The following TMCO4 variants were observed in gnomAD, a reference collection of about 807,000 sequenced individuals.
TMCO4 encodes transmembrane and coiled-coil domain-containing protein 4.
Under a neutral mutation model 64.7 loss-of-function variants are expected in TMCO4, and 58 were observed. That is an observed-to-expected ratio of 0.90 (90% CI 0.73 to 1.12). The LOEUF (loss-of-function observed/expected upper bound fraction) is 1.12, where lower values mean the gene tolerates loss of function less well. TMCO4 is among the 50% of genes most tolerant of loss of function. The probability of loss-of-function intolerance (pLI) is 0.00; values close to 1 mark genes in which losing one functional copy is unlikely to be tolerated. For synonymous variants in TMCO4, 325 were observed against 346.1 expected (o/e 0.94, Z 0.68); for missense variants, 780 against 825.9 (o/e 0.94, Z 0.68).
Position 19,737,442 on chromosome 1 carries a change from G to A in TMCO4, c.1194C>T (p.Val398=). ...LLSRQQGRRP[V]TLIGFSLGAR... is the part of the protein sequence containing the mutation. ...CTCCCAGGCTGAAGCCAATCAAGGT[G>A]ACAGGTCGTCGCCCCTGAAGGGAAA... The change falls in exon 13 of 16, where the codon GTC becomes GTT. Residue 398 remains valine, a synonymous_variant. Coordinates refer to ENST00000294543, the MANE Select transcript of TMCO4 (RefSeq NM_181719.7). 1.2e-6 allele frequency: 2 copies of A among 1,614,024 alleles called. No individual in the cohort carries two copies. The highest frequency in any genetic ancestry group is 2.2e-5 in the South Asian group (2 of 91,074).
chr1:19,692,846 T>C (rs546422878), intron 15 of TMCO4, among the ~76,000 whole-genome samples: 1 of 152,096 alleles, frequency 6.6e-6, no homozygotes, highest in Admixed American at 6.5e-5. Context: ...GGATAGCATG[T>C]GGCAGGTGAA....
In TMCO4 at chr1:19,694,469, C is replaced by A. The variant is rs2095221438; in HGVS notation, c.1465G>T (p.Asp489Tyr). Residue 489 changes from aspartate to tyrosine, a missense_variant, in exon 15 of 16, where the codon GAC (aspartate) becomes TAC (tyrosine). Asp to Tyr is a radical substitution (Grantham distance 160). Transcript: ENST00000294543. The stretch of plus-strand genomic sequence containing the variant: ...AGGTCCACGTTCTCCACCCTCCTGT[C>A]CTGCAGCAGCACGGGCTGTAGGCCG... ...VAGLQPVLLQ[D>Y]RRVENVDLTS... The A allele has an allele frequency of 6.2e-7, 1 of 1,614,042 alleles. No individual in the cohort carries two copies. The highest frequency in any genetic ancestry group is 8.5e-7 in the Non-Finnish European group (1 of 1,180,000).
Position 19,683,425 on chromosome 1 carries a change from T to C in TMCO4, c.1520A>G (p.Tyr507Cys). ...LTSVVSGHLD[Y>C]AKQMDAILKA... is the part of the protein sequence containing the mutation. ...CAGGATGGCATCCATCTGCTTGGCA[T>C]AGTCCAGGTGGCCGCTGACCTGCAG... is the stretch of plus-strand genomic sequence containing the variant. Residue 507 changes from tyrosine to cysteine, a missense_variant, in exon 16 of 16, where the codon TAT becomes TGT. By Grantham distance (194) the Tyr-to-Cys change is radical (BLOSUM62 -2). Coordinates refer to ENST00000294543, the MANE Select transcript of TMCO4 (RefSeq NM_181719.7). 1 of 1,613,042 alleles carries C rather than the reference T, an allele frequency of 6.2e-7. No homozygotes were observed. Among genetic ancestry groups the C allele is most frequent in the Non-Finnish European group, 8.5e-7 (1 of 1,180,016 alleles).
chr1:19,795,080 G>A (rs1332159644), intron 2 of TMCO4, among the ~76,000 whole-genome samples: 2 of 152,044 alleles, frequency 1.3e-5, no homozygotes, highest in Non-Finnish European at 2.9e-5. Context: ...GTTGCACAAC[G>A]ATGTGAATAT....
At chr1:19,741,191 C>T (rs2095477615) in intron 10 of TMCO4, among the ~76,000 whole-genome samples, 1 of 152,222 alleles carries the variant, frequency 6.6e-6, no homozygotes, top group South Asian at 2.1e-4. Context: ...ACATCACTAT[C>T]CCACCTTGTG....
At chr1:19,748,110 G>A (rs2041868290) in intron 7 of TMCO4, among the ~76,000 whole-genome samples, 5 of 152,176 alleles carry the variant, frequency 3.3e-5, no homozygotes, top group Admixed American at 3.3e-4. Flanking sequence ...TATGGTTATT[G>A]TACCCATATT....
At chr1:19,781,717 G>T (rs964750627) in intron 3 of TMCO4, among the ~76,000 whole-genome samples, 1 of 151,312 alleles carries the variant, frequency 6.6e-6, no homozygotes, top group Non-Finnish European at 1.5e-5. Flanking sequence ...CACGATCTTG[G>T]CTCACTGCAA....
At position 19,780,788 on chromosome 1, in the gene TMCO4, G is replaced by A. The variant is rs771923664; in HGVS notation, c.-8-22C>T. The A allele has an allele frequency of 5.9e-6, 9 of 1,536,420 alleles. No individual in the cohort carries two copies. In the African/African-American group the frequency reaches 1.1e-4, roughly 19 times the overall value. ...AGCGCTGCAGGAGAAAATTCCCAGTGAGAAATGCTTCCAGAGGTAAGCCAA... is the reference window on the plus strand; with the variant it reads ...AGCGCTGCAGGAGAAAATTCCCAGTAAGAAATGCTTCCAGAGGTAAGCCAA... On this transcript the variant is annotated intron_variant, in intron 3 of 15. Transcript: ENST00000294543.
chr1:19,788,873 A>C (rs1319567991), intron 2 of TMCO4, among the ~76,000 whole-genome samples: 6 of 152,006 alleles, frequency 3.9e-5, no homozygotes, highest in Non-Finnish European at 8.8e-5. Context: ...CAGGAGATCA[A>C]GACCATCCTG....
intron 5 of TMCO4, 86 bp downstream of exon 5, chr1:19,771,222 C>T (rs2042965601): frequency 1.4e-6 from 2 of 1,462,474 alleles, no homozygotes; most frequent in Non-Finnish European, 1.9e-6. Flanking sequence ...TGCTCCACCC[C>T]ACTAGAAGTG....
chr1:19,683,133 C>T lies in TMCO4; in HGVS notation c.1812G>A (p.Arg604=), dbSNP rs768819591. Residue 604 remains arginine, a synonymous_variant, in exon 16 of 16, where the codon AGG becomes AGA. Transcript: ENST00000294543. ...ASLPAAASPE[R]PPICSHGMDP... ...CCATGCCATGGCTGCAGATGGGGGG[C>T]CTTTCAGGGCTGGCAGCAGCAGGAA... 1 of 1,613,698 alleles carries T rather than the reference C, an allele frequency of 6.2e-7. No homozygotes were observed. The highest frequency in any genetic ancestry group is 8.5e-7 in the Non-Finnish European group (1 of 1,179,814).
chr1:19,781,043 T>C (rs978366355), intron 3 of TMCO4, among the ~76,000 whole-genome samples: 1 of 145,280 alleles, frequency 6.9e-6, no homozygotes, highest in Non-Finnish European at 1.5e-5. Flanking sequence ...AATTTAAAAA[T>C]GGGCAAAAGA....
intron 6 of TMCO4, among the ~76,000 whole-genome samples, chr1:19,763,194 G>T (rs1174130315): frequency 6.6e-6 from 1 of 151,860 alleles, no homozygotes; most frequent in Non-Finnish European, 1.5e-5. Flanking sequence ...TTGTTCCTCA[G>T]CCTCCCGGGT....
intron 2 of TMCO4, among the ~76,000 whole-genome samples, chr1:19,795,415 T>G (rs894519542): frequency 6.6e-6 from 1 of 152,094 alleles, no homozygotes; most frequent in Non-Finnish European, 1.5e-5. Context: ...GAGGTTGCAG[T>G]GAGCCGAGAT....
intron 4 of TMCO4, among the ~76,000 whole-genome samples, chr1:19,780,235 A>T (rs571697233): frequency 6.6e-6 from 1 of 152,322 alleles, no homozygotes; most frequent in East Asian, 1.9e-4. Flanking sequence ...AGATTTCTTC[A>T]TCTACAGATG....
At chr1:19,720,000 A>G (rs1570750183) in intron 13 of TMCO4, among the ~76,000 whole-genome samples, 1 of 142,336 alleles carries the variant, frequency 7.0e-6, no homozygotes, top group East Asian at 2.0e-4. Context: ...TCAAAAAGGA[A>G]AATAATTTTT....
In TMCO4 at chr1:19,682,611, A is replaced by G; in HGVS notation, c.*429T>C. The G allele has an allele frequency of 4.2e-6, 3 of 717,490 alleles. No individual in the cohort carries two copies. Among genetic ancestry groups the G allele is most frequent in the South Asian group, 3.0e-5 (2 of 67,602 alleles). The allele number at this position is 717,490 out of a possible 1,614,324, so 44.4% of individuals were successfully genotyped here. A position where few individuals can be genotyped will look rare whatever the true frequency, so the allele number is the denominator to read the frequency against. On this transcript the variant is annotated 3_prime_UTR_variant, in exon 16 of 16. Coordinates refer to ENST00000294543, the MANE Select transcript of TMCO4 (RefSeq NM_181719.7). Reference sequence around the variant, plus strand: ...GCAGCCCTGGAGTGTGGATGGAAGAACAGGCATGCACCTGGTTTTATTGAG... The same window carrying G: ...GCAGCCCTGGAGTGTGGATGGAAGAGCAGGCATGCACCTGGTTTTATTGAG...
At chr1:19,699,876 G>A (rs534479961) in intron 14 of TMCO4, among the ~76,000 whole-genome samples, 24 of 152,172 alleles carry the variant, frequency 1.6e-4, no homozygotes, top group African/African-American at 5.3e-4. Flanking sequence ...ACACACACAC[G>A]TTCAGCTCTG....
At chr1:19,786,756 A>T (rs892286290) in intron 3 of TMCO4, among the ~76,000 whole-genome samples, 7 of 152,186 alleles carry the variant, frequency 4.6e-5, no homozygotes, top group Admixed American at 1.3e-4. Flanking sequence ...AAATTTTTTT[A>T]AAAAGTAGTC....
Sources: allele counts gnomAD v4.1 joint callset (sites outside exome capture counted in the v4.1 genomes callset), GRCh38; gene constraint gnomAD v4.1.1; transcripts MANE v1.5; gene names NCBI Gene and HGNC (gene_info 2026-07-23, HGNC 2026-07-21).